VTI1A: variants seen among roughly 807,000 people sequenced by gnomAD.
VTI1A encodes the protein vesicle transport through interaction with t-SNAREs homolog 1A.
In VTI1A, 22 loss-of-function variants were observed where a neutral mutation model predicts 34.9. That is an observed-to-expected ratio of 0.63 (90% CI 0.45 to 0.90). The LOEUF (loss-of-function observed/expected upper bound fraction) is 0.90. Among genes scored for constraint, VTI1A ranks in the 40% least tolerant of loss-of-function variants. The probability of loss-of-function intolerance (pLI) is 0.00; values close to 1 mark genes in which losing one functional copy is unlikely to be tolerated. For synonymous variants in VTI1A, 87 were observed against 97.3 expected (o/e 0.89, Z 0.62); for missense variants, 268 against 275.6 (o/e 0.97, Z 0.20).
At chr10:112,791,360 G>A (rs576360240) in intron 7 of VTI1A, among the ~76,000 whole-genome samples, 4 of 152,194 alleles carry the variant, frequency 2.6e-5, no homozygotes, top group African/African-American at 2.4e-5. Flanking sequence ...AGAAAGACAC[G>A]CTCAGCAAAA....
chr10:112,752,360 C>T (rs1851133382), intron 7 of VTI1A: 10 of 985,322 alleles, frequency 1.0e-5, no homozygotes, highest in Non-Finnish European at 1.2e-5. Context: ...CAGGTTTGTG[C>T]TATTCTGATT....
At chr10:112,588,069 A>G (rs1844229094) in intron 5 of VTI1A, among the ~76,000 whole-genome samples, 1 of 152,228 alleles carries the variant, frequency 6.6e-6, no homozygotes, top group East Asian at 1.9e-4. Flanking sequence ...ATGTGTAAAG[A>G]AAACCTGATG....
In VTI1A at chr10:112,487,217, C is replaced by T. The variant is rs1349526983; in HGVS notation, c.264+22560C>T. 5.3e-5 allele frequency among the ~76,000 whole-genome samples: 8 copies of T among 152,120 alleles called. No homozygotes were observed. In the South Asian group the frequency reaches 8.3e-4, roughly 16 times the overall value. On this transcript the variant is annotated intron_variant, in intron 3 of 7. Transcript: ENST00000393077. The stretch of plus-strand genomic sequence containing the variant: ...TGCCTCACTGCAGCCTCCATCTCCC[C>T]GGTTCGAGTGATTCTCCTGCCTCAG...
intron 5 of VTI1A, among the ~76,000 whole-genome samples, chr10:112,614,966 A>G (rs1564849619): frequency 6.6e-6 from 1 of 152,176 alleles, no homozygotes; most frequent in Non-Finnish European, 1.5e-5. Context: ...AAATAGAATC[A>G]TATTGATGGA....
At chr10:112,740,342 T>G (rs1850649470) in intron 7 of VTI1A, among the ~76,000 whole-genome samples, 1 of 152,180 alleles carries the variant, frequency 6.6e-6, no homozygotes. Context: ...CAGGCTGGAG[T>G]GCAGTGGTGC....
At chr10:112,586,459 C>G (rs1376559196) in intron 5 of VTI1A, among the ~76,000 whole-genome samples, 1 of 152,052 alleles carries the variant, frequency 6.6e-6, no homozygotes, top group Non-Finnish European at 1.5e-5. Flanking sequence ...AAAAGAGAAC[C>G]TTTTTCCTTA....
At chr10:112,700,011 C>T (rs767548445) in intron 7 of VTI1A, among the ~76,000 whole-genome samples, 4 of 149,466 alleles carry the variant, frequency 2.7e-5, no homozygotes, top group South Asian at 2.1e-4. Flanking sequence ...CCCAGCCACT[C>T]GAGAGGCTGA....
intron 5 of VTI1A, among the ~76,000 whole-genome samples, chr10:112,652,958 T>G (rs1847093976): frequency 6.6e-6 from 1 of 152,274 alleles, no homozygotes. Context: ...AAGGAAAGAT[T>G]TAGGCAACAA....
intron 5 of VTI1A, among the ~76,000 whole-genome samples, chr10:112,567,793 C>T (rs769649805): frequency 1.3e-5 from 2 of 152,150 alleles, no homozygotes; most frequent in Non-Finnish European, 2.9e-5. Flanking sequence ...ATTTATATCA[C>T]AGTTATTTCC....
intron 7 of VTI1A, among the ~76,000 whole-genome samples, chr10:112,681,514 A>G (rs1212040172): frequency 6.6e-6 from 1 of 152,224 alleles, no homozygotes; most frequent in Non-Finnish European, 1.5e-5. Context: ...AAATCAAAAG[A>G]AGAATATTTT....
intron 5 of VTI1A, among the ~76,000 whole-genome samples, chr10:112,633,151 A>G (rs1003497296): frequency 6.6e-6 from 1 of 152,066 alleles, no homozygotes; most frequent in Non-Finnish European, 1.5e-5. Context: ...GAGTCCTGAG[A>G]GGAGAGGTCT....
At chr10:112,778,311 C>T (rs1426680891) in intron 7 of VTI1A, among the ~76,000 whole-genome samples, 8 of 152,122 alleles carry the variant, frequency 5.3e-5, no homozygotes, top group South Asian at 2.1e-4. Context: ...CAGGAAAGGC[C>T]GGTGACTCTG....
At chr10:112,726,817 T>A (rs754694123) in intron 7 of VTI1A, among the ~76,000 whole-genome samples, 5 of 151,988 alleles carry the variant, frequency 3.3e-5, no homozygotes, top group African/African-American at 4.8e-5. Flanking sequence ...GGCTGCAGGG[T>A]TTGGAGGTGA....
At chr10:112,559,918 T>C (rs931499988) in intron 5 of VTI1A, among the ~76,000 whole-genome samples, 2 of 152,198 alleles carry the variant, frequency 1.3e-5, no homozygotes, top group African/African-American at 4.8e-5. Flanking sequence ...TTCTTTATAG[T>C]GCTGACCAGC....
chr10:112,814,175 C>G (rs1187347423), intron 7 of VTI1A, among the ~76,000 whole-genome samples: 1 of 152,212 alleles, frequency 6.6e-6, no homozygotes, highest in African/African-American at 2.4e-5. Context: ...TGTGGGGTCT[C>G]TGTTCCGTGG....
chr10:112,745,566 G>A (rs562069906), intron 7 of VTI1A, among the ~76,000 whole-genome samples: 1 of 152,242 alleles, frequency 6.6e-6, no homozygotes, highest in African/African-American at 2.4e-5. Flanking sequence ...ACCAGACATG[G>A]AAATGACTGT....
chr10:112,761,770 C>CTG (rs57330053), intron 7 of VTI1A, among the ~76,000 whole-genome samples: 85,264 of 145,614 alleles, frequency 0.59, 27,410 homozygotes, highest in Non-Finnish European at 0.73. Flanking sequence ...CTTTCTTTCT[C>CTG]TGTGTGTGTG....
chr10:112,462,792 C>T (rs187032164), intron 2 of VTI1A, among the ~76,000 whole-genome samples: 11 of 152,234 alleles, frequency 7.2e-5, no homozygotes, highest in East Asian at 1.9e-4. Flanking sequence ...GGTAGGGTTC[C>T]GGAAGGAACT....
chr10:112,798,632 T>C (rs1332564890), intron 7 of VTI1A, among the ~76,000 whole-genome samples: 1 of 152,214 alleles, frequency 6.6e-6, no homozygotes, highest in African/African-American at 2.4e-5. Context: ...CCTTGGCAAC[T>C]AGTTTTCTTT....
Sources: gnomAD v4.1 joint callset for allele counts (sites outside exome capture counted in the v4.1 genomes callset) on GRCh38, gnomAD v4.1.1 for gene constraint, MANE v1.5 for transcripts, NCBI Gene and HGNC (gene_info 2026-07-23, HGNC 2026-07-21) for gene names.